Variants in RAD54B observed in about 807,000 individuals in gnomAD.
The protein encoded by RAD54B is DNA repair and recombination protein RAD54B.
In RAD54B, 78 loss-of-function variants were observed where a neutral mutation model predicts 95.8. The ratio of observed to expected loss-of-function variants is 0.81; its 90% CI spans 0.68 to 0.98. The LOEUF (loss-of-function observed/expected upper bound fraction) is 0.98, where lower values mean the gene tolerates loss of function less well. Among genes scored for constraint, RAD54B ranks in the 50% least tolerant of loss-of-function variants. The pLI, the probability that RAD54B is intolerant of heterozygous loss-of-function variation, is 0.00. For synonymous variants in RAD54B, 328 were observed against 354.9 expected (o/e 0.92, Z 0.85); for missense variants, 957 against 1,056.6 (o/e 0.91, Z 1.31).
At chr8:94,392,292 T>TGCTCTATCA (rs1451793257) in intron 9 of RAD54B, among the ~76,000 whole-genome samples, 1 of 152,192 alleles carries the variant, frequency 6.6e-6, no homozygotes, top group Non-Finnish European at 1.5e-5. Flanking sequence ...GACAGAGTCC[T>TGCTCTATCA]GCTCTATCAC....
chr8:94,428,714 G>C (rs1812005045), intron 3 of RAD54B: 4 of 964,708 alleles, frequency 4.1e-6, no homozygotes, highest in Non-Finnish European at 4.9e-6. Context: ...TGTGAAACCT[G>C]CAGATAGAAA....
chr8:94,452,553 C>A (rs1812685431), intron 3 of RAD54B, among the ~76,000 whole-genome samples: 1 of 151,954 alleles, frequency 6.6e-6, no homozygotes, highest in African/African-American at 2.4e-5. Context: ...GGCTGGAGTG[C>A]AATGGTGCTA....
At chr8:94,385,124 C>T (rs1473156000) in intron 11 of RAD54B, among the ~76,000 whole-genome samples, 1 of 152,064 alleles carries the variant, frequency 6.6e-6, no homozygotes, top group Non-Finnish European at 1.5e-5. Flanking sequence ...AAAAGACCAC[C>T]CCAACTTCAA....
intron 6 of RAD54B, among the ~76,000 whole-genome samples, chr8:94,401,558 T>A (rs376103173): frequency 2.0e-5 from 3 of 152,142 alleles, no homozygotes; most frequent in Non-Finnish European, 4.4e-5. Context: ...CAGTCAACGG[T>A]AGTTTATTAG....
At chr8:94,421,027 G>C (rs1438279077) in intron 3 of RAD54B, among the ~76,000 whole-genome samples, 2 of 150,124 alleles carry the variant, frequency 1.3e-5, no homozygotes, top group East Asian at 3.9e-4. Flanking sequence ...ATAAGAAGCT[G>C]TCTACCCCAT....
At chr8:94,450,354 A>G (rs1812625244) in intron 3 of RAD54B, among the ~76,000 whole-genome samples, 2 of 152,346 alleles carry the variant, frequency 1.3e-5, no homozygotes, top group Non-Finnish European at 1.5e-5. Context: ...AATCAACTAC[A>G]AAATGAAACA....
chr8:94,457,693 C>G (rs556289338), intron 3 of RAD54B, among the ~76,000 whole-genome samples: 1 of 152,190 alleles, frequency 6.6e-6, no homozygotes, highest in South Asian at 2.1e-4. Flanking sequence ...ATGGCTTTCA[C>G]AAGACCAAAT....
chr8:94,428,997 GT>G, intron 3 of RAD54B: 1 of 982,710 alleles, frequency 1.0e-6, no homozygotes, highest in Non-Finnish European at 1.2e-6. Flanking sequence ...GTTAATCATG[GT>G]TATACAAGGG....
chr8:94,442,511 C>G (rs1234329427), intron 3 of RAD54B, among the ~76,000 whole-genome samples: 2 of 148,340 alleles, frequency 1.3e-5, no homozygotes, highest in Admixed American at 6.8e-5. Context: ...GGAGGCGGAG[C>G]TTGCAGTGAG....
intron 2 of RAD54B, among the ~76,000 whole-genome samples, chr8:94,460,661 G>A (rs577290556): frequency 1.1e-4 from 16 of 152,130 alleles, no homozygotes; most frequent in South Asian, 2.1e-4. Context: ...TTATAGTTTC[G>A]CAAGTTAGAA....
rs567955328 is a variant in RAD54B, at chr8:94,447,176, A to G, written c.304+11092T>C. Among the ~76,000 whole-genome samples, 11 of 152,324 alleles carry G rather than the reference A, an allele frequency of 7.2e-5. No homozygotes were observed. In the South Asian group the frequency reaches 2.3e-3, roughly 32 times the overall value. ...TTGAAAACCCTCACAAAACCAAAGG[A>G]GTCAAATTATAAAATTTACTCCACC... On this transcript the variant is annotated intron_variant, in intron 3 of 14. Coordinates refer to ENST00000336148, the MANE Select transcript of RAD54B (RefSeq NM_012415.3).
chr8:94,395,840 C>A (rs1487869465), intron 8 of RAD54B, among the ~76,000 whole-genome samples: 1 of 152,176 alleles, frequency 6.6e-6, no homozygotes, highest in Non-Finnish European at 1.5e-5. Context: ...CCAAATATGG[C>A]AGAGCAGAAG....
chr8:94,400,723 T>C (rs1811248098), intron 6 of RAD54B, among the ~76,000 whole-genome samples: 2 of 152,194 alleles, frequency 1.3e-5, no homozygotes, highest in Admixed American at 6.6e-5. Context: ...ATTTAGAGGC[T>C]AGAAATGAAT....
chr8:94,444,248 T>C (rs1359852576), intron 3 of RAD54B, among the ~76,000 whole-genome samples: 2 of 152,024 alleles, frequency 1.3e-5, no homozygotes, highest in African/African-American at 4.8e-5. Flanking sequence ...GGAAAATAAA[T>C]TCTCTCATAC....
At chr8:94,463,028 T>C (rs1178330420) in intron 2 of RAD54B, among the ~76,000 whole-genome samples, 1 of 151,686 alleles carries the variant, frequency 6.6e-6, no homozygotes, top group Non-Finnish European at 1.5e-5. Flanking sequence ...ATACAAAAAT[T>C]AGCTAGGCGT....
At chr8:94,466,590 T>C (rs1442815489) in intron 2 of RAD54B, among the ~76,000 whole-genome samples, 1 of 152,058 alleles carries the variant, frequency 6.6e-6, no homozygotes, top group Non-Finnish European at 1.5e-5. Context: ...GTATTTTTAG[T>C]AGAGACGGAG....
Position 94,404,153 on chromosome 8 carries a change from G to A in RAD54B, c.868C>T (p.Pro290Ser). The A allele has an allele frequency of 6.2e-7, 1 of 1,610,652 alleles. No homozygotes were observed. Among genetic ancestry groups the A allele is most frequent in the Non-Finnish European group, 8.5e-7 (1 of 1,177,468 alleles). Residue 290 changes from proline to serine, a missense_variant, in exon 6 of 15, where the codon CCT becomes TCT. Coordinates refer to ENST00000336148, the MANE Select transcript of RAD54B (RefSeq NM_012415.3). ...GGTCGAAGATGATATACAAGGTAAG[G>A]ATCAATCACTACATCCACAAGAGGG... ...CFPLVDVVID[P>S]YLVYHLRPHQ...
At position 94,444,507 on chromosome 8, in the gene RAD54B, T is replaced by C. The variant is rs951107735; in HGVS notation, c.304+13761A>G. ...AAAAGAATAAGGTGGATCTACGTGT[T>C]CTAAAATGAAAACAAAAAACATCCA... On this transcript the variant is annotated intron_variant, in intron 3 of 14. Coordinates refer to ENST00000336148, the MANE Select transcript of RAD54B (RefSeq NM_012415.3). Among the ~76,000 whole-genome samples, 7 of 152,106 alleles carry C rather than the reference T, an allele frequency of 4.6e-5. No individual in the cohort carries two copies. The East Asian group carries it at 1.3e-3, about 29-fold the overall frequency.
chr8:94,427,588 A>C, intron 3 of RAD54B: 2 of 361,386 alleles, frequency 5.5e-6, no homozygotes, highest in Non-Finnish European at 7.7e-6. Flanking sequence ...TAGATATGGT[A>C]CATTGGCCAT....
Sources: gnomAD v4.1 joint callset for allele counts (sites outside exome capture counted in the v4.1 genomes callset) on GRCh38, gnomAD v4.1.1 for gene constraint, MANE v1.5 for transcripts, NCBI Gene and HGNC (gene_info 2026-07-23, HGNC 2026-07-21) for gene names.